CNTNAP5: variants seen among roughly 807,000 people sequenced by gnomAD.
The protein encoded by CNTNAP5 is contactin associated protein family member 5.
A neutral mutation model predicts 150.2 loss-of-function variants in CNTNAP5; 72 were observed. The ratio of observed to expected loss-of-function variants is 0.48; its 90% confidence interval spans 0.40 to 0.58. The LOEUF is 0.58. Ranked by LOEUF, CNTNAP5 falls within the 20% of genes least tolerant of loss-of-function variation. The pLI, the probability that CNTNAP5 is intolerant of heterozygous loss-of-function variation, is 0.00. For missense variants in CNTNAP5, 1,636 were observed against 1,626.2 expected (o/e 1.01, Z -0.10); for synonymous variants, 672 against 619.8 (o/e 1.08, Z -1.25).
intron 1 of CNTNAP5, among the ~76,000 whole-genome samples, chr2:124,044,479 C>T (rs1681472931): frequency 6.6e-6 from 1 of 152,070 alleles, no homozygotes; most frequent in African/African-American, 2.4e-5. Flanking sequence ...ATTCATTTTA[C>T]AAATATTTTT....
In CNTNAP5 at chr2:124,196,884, A is replaced by G. The variant is rs1200486459; in HGVS notation, c.83-24821A>G. On this transcript the variant is annotated intron_variant, in intron 1 of 23. Coordinates refer to ENST00000682447, the MANE Select transcript of CNTNAP5 (RefSeq NM_001367498.1). ...GCATTACATAGATGCTGCTTAGCCC[A>G]TTTCCTTGTCTTCTGCCTGCAAGGC... Among the ~76,000 whole-genome samples the G allele has an allele frequency of 4.6e-5, 7 of 152,222 alleles. No individual in the cohort carries two copies. In the South Asian group the frequency reaches 1.0e-3, roughly 23 times the overall value.
chr2:124,136,253 A>G (rs1683969451), intron 1 of CNTNAP5, among the ~76,000 whole-genome samples: 1 of 152,206 alleles, frequency 6.6e-6, no homozygotes, highest in African/African-American at 2.4e-5. Context: ...TCATGCTTTC[A>G]TATTTTGAGC....
At chr2:124,333,290 A>G (rs530711320) in intron 3 of CNTNAP5, among the ~76,000 whole-genome samples, 1 of 152,222 alleles carries the variant, frequency 6.6e-6, no homozygotes, top group South Asian at 2.1e-4. Context: ...AAAAAAATGA[A>G]AACACACACA....
chr2:124,658,880 T>G (rs1678514891), intron 13 of CNTNAP5, among the ~76,000 whole-genome samples: 1 of 152,178 alleles, frequency 6.6e-6, no homozygotes, highest in South Asian at 2.1e-4. Context: ...CTGAGCTTGC[T>G]TTTCAGGGGG....
At chr2:124,230,512 GTA>G (rs759909893) in intron 2 of CNTNAP5, among the ~76,000 whole-genome samples, 2,167 of 93,618 alleles carry the variant, frequency 0.023, 62 homozygotes, top group African/African-American at 0.077. Context: ...GTGTGTGTGT[GTA>G]TATATATATA....
At chr2:124,579,061 T>C (rs1696355610) in intron 11 of CNTNAP5, among the ~76,000 whole-genome samples, 1 of 152,146 alleles carries the variant, frequency 6.6e-6, no homozygotes, top group African/African-American at 2.4e-5. Context: ...AGGGCCAGTG[T>C]GGGTGAGAAA....
chr2:124,769,283 A>G (rs924479181), intron 16 of CNTNAP5, among the ~76,000 whole-genome samples: 1 of 152,060 alleles, frequency 6.6e-6, no homozygotes, highest in African/African-American at 2.4e-5. Context: ...AGCCCTAAAC[A>G]TGCCCTTTCT....
chr2:124,798,357 C>A, intron 19 of CNTNAP5, 37 bp downstream of exon 19: 1 of 1,495,568 alleles, frequency 6.7e-7, no homozygotes, highest in Non-Finnish European at 9.3e-7. Context: ...GGAGTCTCAG[C>A]CTGGGCTGGA....
chr2:124,331,664 T>C (rs1689351788), intron 3 of CNTNAP5, among the ~76,000 whole-genome samples: 6 of 151,918 alleles, frequency 3.9e-5, no homozygotes, highest in Admixed American at 3.9e-4. Context: ...TTCATTCCAC[T>C]AACCAGAATT....
intron 13 of CNTNAP5, among the ~76,000 whole-genome samples, chr2:124,713,243 C>CTTTTTTTCTT (rs1280851827): frequency 5.4e-4 from 35 of 65,194 alleles, no homozygotes; most frequent in Non-Finnish European, 8.1e-4. Flanking sequence ...TTCTTTCTTT[C>CTTTTTTTCTT]TCTTTCTTTC....
chr2:124,810,835 A>G (rs1329081826), intron 19 of CNTNAP5, among the ~76,000 whole-genome samples: 1 of 152,084 alleles, frequency 6.6e-6, no homozygotes, highest in Non-Finnish European at 1.5e-5. Flanking sequence ...GACATTTTTC[A>G]TTGTCAAGAT....
At chr2:124,859,589 G>A (rs1408927531) in intron 19 of CNTNAP5, among the ~76,000 whole-genome samples, 1 of 152,160 alleles carries the variant, frequency 6.6e-6, no homozygotes, top group Non-Finnish European at 1.5e-5. Flanking sequence ...AAATCATGCT[G>A]CTATAAAGAC....
Position 124,474,810 on chromosome 2 carries a change from C to G in CNTNAP5, c.990C>G (p.Ile330Met), listed in dbSNP as rs199953018. 6.2e-7 allele frequency: 1 copy of G among 1,606,184 alleles called. No individual in the cohort carries two copies. Among genetic ancestry groups the G allele is most frequent in the Non-Finnish European group, 8.5e-7 (1 of 1,177,078 alleles). Residue 330 changes from isoleucine to methionine, a missense_variant, in exon 7 of 24, where the codon ATC becomes ATG. Coordinates refer to ENST00000682447, the MANE Select transcript of CNTNAP5 (RefSeq NM_001367498.1). ...TFLKKNFHGC[I>M]ENLYYNGVNI... ...TAAAGAAAAACTTCCATGGATGCAT[C>G]GAAAACCTTTACTACAATGGAGTAA... is the stretch of plus-strand genomic sequence containing the variant.
intron 3 of CNTNAP5, among the ~76,000 whole-genome samples, chr2:124,381,131 A>C (rs1395346179): frequency 2.6e-5 from 4 of 152,130 alleles, no homozygotes; most frequent in Non-Finnish European, 5.9e-5. Context: ...GGGTGTGTTT[A>C]AGGACAGATG....
At chr2:124,860,885 C>T (rs927661175) in intron 19 of CNTNAP5, among the ~76,000 whole-genome samples, 5 of 152,058 alleles carry the variant, frequency 3.3e-5, no homozygotes, top group African/African-American at 4.8e-5. Context: ...CAGCGGTGAT[C>T]ACCATGGGCT....
chr2:124,206,755 C>T (rs1259758019), intron 1 of CNTNAP5, among the ~76,000 whole-genome samples: 3 of 152,128 alleles, frequency 2.0e-5, no homozygotes, highest in Non-Finnish European at 2.9e-5. Flanking sequence ...GTTTGAGAAG[C>T]TCTGTCCCAG....
In CNTNAP5 at chr2:124,491,755, C is replaced by CT. The variant is rs779522824; in HGVS notation, c.1063-12526dup. 3.1e-3 allele frequency among the ~76,000 whole-genome samples: 448 copies of CT among 146,472 alleles called. 1 individual carries two copies. Among genetic ancestry groups the CT allele is most frequent in the African/African-American group, 9.6e-3 (385 of 40,158 alleles). ...TCTACATTCTCACCAATACTTGTAC[C>CT]TTTTTTTTTTTCTTTTGGATAGCAG... On this transcript the variant is annotated intron_variant, in intron 7 of 23. Coordinates refer to ENST00000682447, the MANE Select transcript of CNTNAP5 (RefSeq NM_001367498.1).
intron 13 of CNTNAP5, among the ~76,000 whole-genome samples, chr2:124,674,335 C>T (rs1386132057): frequency 6.7e-6 from 1 of 149,536 alleles, no homozygotes; most frequent in Non-Finnish European, 1.5e-5. Flanking sequence ...ATCCTTCCCT[C>T]CTTCCCTCCC....
chr2:124,331,224 C>A (rs906243144), intron 3 of CNTNAP5, among the ~76,000 whole-genome samples: 1 of 151,934 alleles, frequency 6.6e-6, no homozygotes, highest in Non-Finnish European at 1.5e-5. Context: ...TTAAAATGAC[C>A]ATGGTTGAAT....
Sources: gnomAD v4.1 joint callset for allele counts (sites outside exome capture counted in the v4.1 genomes callset) on GRCh38, gnomAD v4.1.1 for gene constraint, MANE v1.5 for transcripts, NCBI Gene and HGNC (gene_info 2026-07-23, HGNC 2026-07-21) for gene names.